EBF1: variants seen among roughly 807,000 people sequenced by gnomAD.
EBF1 encodes the protein transcription factor COE1.
Under a neutral mutation model 68.4 loss-of-function variants are expected in EBF1, and 10 were observed. The ratio of observed to expected loss-of-function variants is 0.15; its 90% CI spans 0.09 to 0.25. The LOEUF (loss-of-function observed/expected upper bound fraction) is 0.25. Ranked by LOEUF, EBF1 falls within the 10% of genes least tolerant of loss-of-function variation. The pLI is 1.00. For missense variants in EBF1, 509 were observed against 794.4 expected, an observed-to-expected ratio of 0.64 and a Z score of 4.32; for synonymous variants, 298 against 299.8, an observed-to-expected ratio of 0.99 and a Z score of 0.06.
intron 6 of EBF1, among the ~76,000 whole-genome samples, chr5:158,965,130 T>C (rs1375417042): frequency 1.3e-5 from 2 of 152,188 alleles, no homozygotes; most frequent in African/African-American, 4.8e-5. Context: ...TTGTGCTCCC[T>C]TGCCTGGGAA....
intron 8 of EBF1, among the ~76,000 whole-genome samples, chr5:158,815,456 A>G (rs1041371026): frequency 6.6e-6 from 1 of 152,198 alleles, no homozygotes; most frequent in Non-Finnish European, 1.5e-5. Flanking sequence ...TGATGAGATG[A>G]TAAGTAAAAT....
intron 6 of EBF1, among the ~76,000 whole-genome samples, chr5:159,027,185 T>C (rs1767871218): frequency 6.6e-6 from 1 of 152,100 alleles, no homozygotes; most frequent in Non-Finnish European, 1.5e-5. Flanking sequence ...ACCTGTACAC[T>C]CCTCCCATTC....
intron 6 of EBF1, among the ~76,000 whole-genome samples, chr5:158,990,981 C>T (rs1760194939): frequency 6.6e-6 from 1 of 152,174 alleles, no homozygotes; most frequent in Admixed American, 6.5e-5. Flanking sequence ...CAACACTGAG[C>T]TTTAGTCATA....
intron 11 of EBF1, among the ~76,000 whole-genome samples, chr5:158,723,964 C>A (rs13357438): frequency 6.6e-6 from 1 of 152,026 alleles, no homozygotes; most frequent in Non-Finnish European, 1.5e-5. Flanking sequence ...ATTCTAAATG[C>A]AATTTCAGGG....
At chr5:158,964,446 T>C (rs1195141085) in intron 6 of EBF1, among the ~76,000 whole-genome samples, 12 of 151,886 alleles carry the variant, frequency 7.9e-5, no homozygotes, top group Admixed American at 7.9e-4. Flanking sequence ...AGCTAAGAAG[T>C]TACTCTAGTA....
At chr5:158,959,315 G>A (rs1284038728) in intron 6 of EBF1, among the ~76,000 whole-genome samples, 7 of 145,300 alleles carry the variant, frequency 4.8e-5, no homozygotes, top group African/African-American at 7.6e-5. Flanking sequence ...TTTTTGAGAC[G>A]GAGTCTTACT....
intron 6 of EBF1, among the ~76,000 whole-genome samples, chr5:158,882,314 AAGC>A (rs1302108025): frequency 6.6e-5 from 10 of 152,204 alleles, no homozygotes; most frequent in Non-Finnish European, 1.0e-4. Context: ...TTTGGTATAA[AAGC>A]AGCAAGTCGG....
chr5:158,841,545 C>T (rs1316094080), intron 6 of EBF1, among the ~76,000 whole-genome samples: 3 of 152,210 alleles, frequency 2.0e-5, no homozygotes, highest in Non-Finnish European at 4.4e-5. Flanking sequence ...TCTTCCACTT[C>T]AAGTCCACAC....
At chr5:158,877,697 A>AAC (rs753622895) in intron 6 of EBF1, among the ~76,000 whole-genome samples, 1 of 113,892 alleles carries the variant, frequency 8.8e-6, no homozygotes, top group African/African-American at 2.8e-5. Context: ...AAATACTACA[A>AAC]ACGCACACAC....
chr5:159,000,003 T>C (rs1314548512), intron 6 of EBF1, among the ~76,000 whole-genome samples: 1 of 152,202 alleles, frequency 6.6e-6, no homozygotes, highest in Non-Finnish European at 1.5e-5. Flanking sequence ...GTCTCTTTTA[T>C]GGGCCATGGG....
chr5:159,040,356 G>C (rs1003433611), intron 6 of EBF1, among the ~76,000 whole-genome samples: 3 of 152,166 alleles, frequency 2.0e-5, no homozygotes, highest in Non-Finnish European at 1.5e-5. Flanking sequence ...CATCCATTGA[G>C]GCCACCACCA....
intron 10 of EBF1, among the ~76,000 whole-genome samples, chr5:158,777,020 T>C (rs1775435982): frequency 6.6e-6 from 1 of 152,146 alleles, no homozygotes; most frequent in Non-Finnish European, 1.5e-5. Flanking sequence ...TTGTATGTAA[T>C]ACAAGTGCCG....
intron 6 of EBF1, among the ~76,000 whole-genome samples, chr5:158,972,806 C>T (rs968430482): frequency 2.0e-5 from 3 of 152,196 alleles, no homozygotes; most frequent in African/African-American, 4.8e-5. Flanking sequence ...CTTGCATGCA[C>T]GTTCTGCTCC....
intron 6 of EBF1, among the ~76,000 whole-genome samples, chr5:159,031,534 A>G (rs1327538003): frequency 6.6e-6 from 1 of 152,208 alleles, no homozygotes; most frequent in African/African-American, 2.4e-5. Flanking sequence ...TAAAGTCTAC[A>G]TTTGACTTCA....
At chr5:158,762,784 C>A (rs555662770) in intron 10 of EBF1, among the ~76,000 whole-genome samples, 1 of 152,202 alleles carries the variant, frequency 6.6e-6, no homozygotes, top group African/African-American at 2.4e-5. Flanking sequence ...ATCCGCCTGC[C>A]TCGGCCTCCC....
At chr5:159,048,876 C>G (rs936399616) in intron 6 of EBF1, among the ~76,000 whole-genome samples, 11 of 152,208 alleles carry the variant, frequency 7.2e-5, no homozygotes, top group African/African-American at 2.7e-4. Context: ...CTGTTGTTCT[C>G]TGAGGACATC....
At chr5:158,842,337 A>G (rs1423175727) in intron 6 of EBF1, among the ~76,000 whole-genome samples, 1 of 152,192 alleles carries the variant, frequency 6.6e-6, no homozygotes, top group South Asian at 2.1e-4. Context: ...GTTCAATCCT[A>G]TATCCATAGA....
At chr5:159,086,600 G>A (rs1780678714) in intron 4 of EBF1, among the ~76,000 whole-genome samples, 1 of 152,090 alleles carries the variant, frequency 6.6e-6, no homozygotes, top group African/African-American at 2.4e-5. Flanking sequence ...TTCAGGGCAG[G>A]GATAACACAG....
chr5:158,867,782 A>C (rs1210565857), intron 6 of EBF1, among the ~76,000 whole-genome samples: 2 of 152,206 alleles, frequency 1.3e-5, no homozygotes, highest in Non-Finnish European at 2.9e-5. Context: ...TTCAGAGCTA[A>C]TTATTACAAT....
Sources: gnomAD v4.1 joint callset for allele counts (sites outside exome capture counted in the v4.1 genomes callset) on GRCh38, gnomAD v4.1.1 for gene constraint, MANE v1.5 for transcripts, NCBI Gene and HGNC (gene_info 2026-07-23, HGNC 2026-07-21) for gene names.